Variants in PIK3C2G observed in about 807,000 individuals in gnomAD.
PIK3C2G encodes phosphatidylinositol 3-kinase C2 domain-containing subunit gamma.
Under a neutral mutation model 181.1 loss-of-function variants are expected in PIK3C2G, and 168 were observed. The observed-to-expected ratio is 0.93, with a 90% CI of 0.82 to 1.05. PIK3C2G has a LOEUF of 1.05. Ranked by LOEUF, PIK3C2G falls within the 50% of genes least tolerant of loss-of-function variation. The pLI, the probability that PIK3C2G is intolerant of heterozygous loss-of-function variation, is 0.00. For synonymous variants in PIK3C2G, 573 were observed against 592.2 expected (o/e 0.97, Z 0.47); for missense variants, 1,869 against 1,732.8 (o/e 1.08, Z -1.40).
rs185843602 is a variant in PIK3C2G at position 18,498,002 on chromosome 12, T to C, written c.3016+254T>C. On this transcript the variant is annotated intron_variant, in intron 22 of 32. Coordinates refer to ENST00000538779, the MANE Select transcript of PIK3C2G (RefSeq NM_001288772.2). ...AAATGTTAACTGTGATTTTATTTTA[T>C]GTGTCTTTAAGAGTGAGTTTCATTA... Among the ~76,000 whole-genome samples the C allele has an allele frequency of 3.7e-4, 56 of 152,340 alleles. 1 individual carries two copies. In the East Asian group the frequency reaches 0.01, roughly 28 times the overall value.
At chr12:18,487,428 CT>C (rs893479668) in intron 18 of PIK3C2G, among the ~76,000 whole-genome samples, 152 of 150,688 alleles carry the variant, frequency 1.0e-3, no homozygotes, top group Middle Eastern at 3.4e-3. Flanking sequence ...TTTAAAAATC[CT>C]TTTTTTTTAA....
intron 5 of PIK3C2G, among the ~76,000 whole-genome samples, chr12:18,304,544 A>G (rs1352447665): frequency 6.6e-6 from 1 of 152,190 alleles, no homozygotes; most frequent in Admixed American, 6.5e-5. Context: ...GGCGTGAGCT[A>G]CCTCGCCCGG....
chr12:18,577,110 T>C (rs945281062), intron 29 of PIK3C2G, among the ~76,000 whole-genome samples: 2 of 152,172 alleles, frequency 1.3e-5, no homozygotes, highest in Admixed American at 6.5e-5. Flanking sequence ...AGACTTTCAA[T>C]AGGAAACTCC....
In PIK3C2G at chr12:18,362,848, CAAG is replaced by C; in HGVS notation, c.1713_1715del (p.Lys572del). The stretch of plus-strand genomic sequence containing the variant: ...TGAGAAACTACAGAAATATTCCAGA[CAAG>C]AAATTATTTTTTTTCTTGGTCAACT... On this transcript the variant is annotated inframe_deletion, in exon 12 of 33. Coordinates refer to ENST00000538779, the MANE Select transcript of PIK3C2G (RefSeq NM_001288772.2). The C allele has an allele frequency of 6.6e-7, 1 of 1,516,722 alleles. No homozygotes were observed. Among genetic ancestry groups the C allele is most frequent in the Non-Finnish European group, 8.8e-7 (1 of 1,136,058 alleles). 94.0% of individuals were successfully genotyped at this position (1,516,722 alleles called of 1,614,324 possible).
intron 18 of PIK3C2G, among the ~76,000 whole-genome samples, chr12:18,460,750 T>G (rs1435863584): frequency 2.0e-5 from 3 of 151,638 alleles, no homozygotes. Flanking sequence ...AGCATACATA[T>G]CAAATAAAAT....
At chr12:18,374,921 G>A (rs1428960261) in intron 13 of PIK3C2G, among the ~76,000 whole-genome samples, 1 of 152,146 alleles carries the variant, frequency 6.6e-6, no homozygotes, top group African/African-American at 2.4e-5. Context: ...GACCTCCCCA[G>A]AAGCCCAGCA....
the PIK3C2G span, among the ~76,000 whole-genome samples, chr12:18,662,432 C>T: frequency 6.6e-6 from 1 of 151,178 alleles, no homozygotes; most frequent in East Asian, 1.9e-4. Context: ...AATTTATGAC[C>T]CTAGATCTAC....
At chr12:18,395,813 T>C (rs1159210468) in intron 15 of PIK3C2G, among the ~76,000 whole-genome samples, 1 of 151,366 alleles carries the variant, frequency 6.6e-6, no homozygotes, top group Non-Finnish European at 1.5e-5. Flanking sequence ...TTGGCTGTAA[T>C]ATGCTTAAAC....
At chr12:18,445,839 C>T (rs904132068) in intron 18 of PIK3C2G, among the ~76,000 whole-genome samples, 30 of 152,056 alleles carry the variant, frequency 2.0e-4, no homozygotes, top group Non-Finnish European at 3.1e-4. Flanking sequence ...CTACTATTCA[C>T]GTAAAAGAAA....
intron 24 of PIK3C2G, among the ~76,000 whole-genome samples, chr12:18,534,348 A>T (rs186375934): frequency 2.0e-4 from 31 of 152,238 alleles, no homozygotes; most frequent in East Asian, 1.9e-3. Flanking sequence ...ATACATTTTT[A>T]AACCACCAAC....
At position 18,546,439 on chromosome 12, in the gene PIK3C2G, T is replaced by A; in HGVS notation, c.3590+7T>A. 6.8e-7 allele frequency: 1 copy of A among 1,466,940 alleles called. No individual in the cohort carries two copies. The allele number at this position is 1,466,940 out of a possible 1,614,324, so 90.9% of individuals were successfully genotyped here. On this transcript the variant is annotated splice_region_variant and intron_variant, in intron 26 of 32. Transcript: ENST00000538779. ...CAACAAGTCATTTTACCAAGTAAGATCACCTATGAATGTGTGAGCATGCAT... is the reference window on the plus strand; with the variant it reads ...CAACAAGTCATTTTACCAAGTAAGAACACCTATGAATGTGTGAGCATGCAT...
intron 17 of PIK3C2G, 44 bp downstream of exon 17, chr12:18,421,078 A>G (rs1180025447): frequency 1.9e-6 from 2 of 1,055,522 alleles, no homozygotes; most frequent in East Asian, 2.4e-5. Context: ...GTTTTAACTA[A>G]TTATCTCTAA....
intron 13 of PIK3C2G, among the ~76,000 whole-genome samples, chr12:18,378,739 T>C (rs1942631383): frequency 6.6e-6 from 1 of 152,232 alleles, no homozygotes; most frequent in Non-Finnish European, 1.5e-5. Context: ...AAGGCATTTA[T>C]GCAGCCAAAA....
At chr12:18,607,529 C>T (rs1329996745) in intron 30 of PIK3C2G, among the ~76,000 whole-genome samples, 1 of 152,152 alleles carries the variant, frequency 6.6e-6, no homozygotes, top group African/African-American at 2.4e-5. Flanking sequence ...CCCTTCCTTA[C>T]ACCTTATACA....
intron 29 of PIK3C2G, among the ~76,000 whole-genome samples, chr12:18,577,250 C>G (rs1946277505): frequency 6.6e-6 from 1 of 152,178 alleles, no homozygotes; most frequent in African/African-American, 2.4e-5. Context: ...AAGGTGTACA[C>G]AGCACAGCAC....
At chr12:18,276,036 C>CATATTTGTT (rs1458931843) in intron 1 of PIK3C2G, among the ~76,000 whole-genome samples, 1 of 152,164 alleles carries the variant, frequency 6.6e-6, no homozygotes, top group Non-Finnish European at 1.5e-5. Flanking sequence ...AGGGGATCTG[C>CATATTTGTT]ATATTTGTTG....
intron 29 of PIK3C2G, 100 bp downstream of exon 29, chr12:18,567,157 G>A (rs1429479580): frequency 1.6e-6 from 1 of 637,632 alleles, no homozygotes; most frequent in Non-Finnish European, 2.7e-6. Flanking sequence ...CAGTACTTTG[G>A]GAGGTCAAGG....
At chr12:18,673,638 C>T in the PIK3C2G span, among the ~76,000 whole-genome samples, 1 of 152,198 alleles carries the variant, frequency 6.6e-6, no homozygotes, top group Non-Finnish European at 1.5e-5. Flanking sequence ...TTAATTATCT[C>T]ATAGTTTCTG....
chr12:18,330,618 T>C (rs913868995), intron 8 of PIK3C2G, among the ~76,000 whole-genome samples: 6 of 152,190 alleles, frequency 3.9e-5, no homozygotes, highest in African/African-American at 1.4e-4. Context: ...TCAAATCTTT[T>C]GCCTATTTTT....
Sources: gnomAD v4.1 joint callset for allele counts (sites outside exome capture counted in the v4.1 genomes callset) on GRCh38, gnomAD v4.1.1 for gene constraint, MANE v1.5 for transcripts, NCBI Gene and HGNC (gene_info 2026-07-23, HGNC 2026-07-21) for gene names.